Variants in F5 observed in about 807,000 individuals in gnomAD.
F5 encodes the protein coagulation factor V, also known as activated protein c cofactor.
F5 carries 138 observed loss-of-function variants against 216.4 expected under a neutral mutation model. The ratio of observed to expected loss-of-function variants is 0.64; its 90% confidence interval spans 0.56 to 0.73. The LOEUF (loss-of-function observed/expected upper bound fraction) is 0.73, where lower values mean the gene tolerates loss of function less well. Ranked by LOEUF, F5 falls within the 30% of genes least tolerant of loss-of-function variation. The pLI is 0.00. For synonymous variants in F5, 916 were observed against 930.7 expected, an observed-to-expected ratio of 0.98 and a Z score of 0.29; for missense variants, 2,403 against 2,674.0, an observed-to-expected ratio of 0.90 and a Z score of 2.24.
At chr1:169,559,077 G>C in intron 5 of F5, 76 bp downstream of exon 5, 1 of 1,528,054 alleles carries the variant, frequency 6.5e-7, no homozygotes, top group East Asian at 2.3e-5. Context: ...AACTTCTCTA[G>C]TGCTTTGAAG....
rs1659086368 is a variant in F5, at chr1:169,513,669, A to G, written c.*644T>C. Among the ~76,000 whole-genome samples the G allele has an allele frequency of 1.3e-5, 2 of 152,074 alleles. No individual in the cohort carries two copies. Among genetic ancestry groups the G allele is most frequent in the Non-Finnish European group, 2.9e-5 (2 of 67,994 alleles). On this transcript the variant is annotated 3_prime_UTR_variant, in exon 25 of 25. Coordinates refer to ENST00000367797, the MANE Select transcript of F5 (RefSeq NM_000130.5). Reference sequence around the variant, plus strand: ...TTACACATTCAGTTCTACCATGGTTATTTCAGTTCTGTTCCATATCTAATG... The same window carrying G: ...TTACACATTCAGTTCTACCATGGTTGTTTCAGTTCTGTTCCATATCTAATG...
Position 169,523,248 on chromosome 1 carries a change from G to A in F5, c.5997C>T (p.Ser1999=). ...YTTEFYVAYS[S]NQINWQIFKG... is the part of the protein sequence containing the mutation. ...TGAAGATCTGCCAGTTGATCTGGTT[G>A]GAACTGTAAGCTACATAGAACTCTG... Residue 1999 remains serine, a synonymous_variant, in exon 21 of 25, where the codon TCC becomes TCT. Transcript: ENST00000367797. 6.2e-7 allele frequency: 1 copy of A among 1,614,072 alleles called. No individual in the cohort carries two copies. Among genetic ancestry groups the A allele is most frequent in the Non-Finnish European group, 8.5e-7 (1 of 1,179,968 alleles).
chr1:169,573,983 CAACAATAAAAAATA>C (rs1660786228), intron 2 of F5, among the ~76,000 whole-genome samples: 1 of 151,904 alleles, frequency 6.6e-6, no homozygotes, highest in Non-Finnish European at 1.5e-5. Context: ...ATTCAAAAAA[CAACAATAAAAAATA>C]AACAATAAAA....
Position 169,542,822 on chromosome 1 carries a change from T to C in F5, c.2268A>G (p.Leu756=), listed in dbSNP as rs1217824535. Residue 756 remains leucine, a synonymous_variant, in exon 13 of 25, where the codon CTA becomes CTG. Transcript: ENST00000367797. The stretch of plus-strand genomic sequence containing the variant: ...CGAATTCAGTGCCATTCTCCAGAGC[T>C]AGGGCAGTAAGATTGAACTCTTCTT... ...QEEEEFNLTA[L]ALENGTEFVS... 6.2e-7 allele frequency: 1 copy of C among 1,614,050 alleles called. No individual in the cohort carries two copies. Among genetic ancestry groups the C allele is most frequent in the African/African-American group, 1.3e-5 (1 of 74,920 alleles).
chr1:169,549,453 A>G (rs542506054), intron 10 of F5, among the ~76,000 whole-genome samples: 42 of 152,182 alleles, frequency 2.8e-4, no homozygotes, highest in Non-Finnish European at 5.4e-4. Flanking sequence ...CCCCAAACAG[A>G]CCTGTAACAT....
intron 7 of F5, among the ~76,000 whole-genome samples, chr1:169,554,265 TA>T (rs1466663486): frequency 8.5e-6 from 1 of 117,966 alleles, no homozygotes; most frequent in East Asian, 2.0e-4. Flanking sequence ...TAAATATTCT[TA>T]TCCCTTTCAC....
intron 14 of F5, among the ~76,000 whole-genome samples, chr1:169,535,564 A>T (rs1659685741): frequency 6.6e-6 from 1 of 152,148 alleles, no homozygotes; most frequent in African/African-American, 2.4e-5. Context: ...AATGTCCATT[A>T]TACCAATCTG....
intron 22 of F5, among the ~76,000 whole-genome samples, chr1:169,520,129 C>T (rs925996330): frequency 2.6e-5 from 4 of 152,162 alleles, no homozygotes; most frequent in Non-Finnish European, 2.9e-5. Flanking sequence ...ATATATATGG[C>T]AGTGATGTTG....
rs187269910 is a variant in F5 at position 169,573,474 on chromosome 1, T to C, written c.251-1131A>G. Among the ~76,000 whole-genome samples, 272 of 152,194 alleles carry C rather than the reference T, an allele frequency of 1.8e-3. 1 individual carries two copies. The highest frequency in any genetic ancestry group is 5.9e-3 in the African/African-American group (243 of 41,534). On this transcript the variant is annotated intron_variant, in intron 2 of 24. Coordinates refer to ENST00000367797, the MANE Select transcript of F5 (RefSeq NM_000130.5). ...TGTAGCAGAACGTGATGAGTAGTGGTTGGAGTCTGGACATTTTTGTAGGTA... is the reference window on the plus strand; with the variant it reads ...TGTAGCAGAACGTGATGAGTAGTGGCTGGAGTCTGGACATTTTTGTAGGTA...
chr1:169,550,299 C>CCG lies in F5; in HGVS notation c.1397-286_1397-285dup, dbSNP rs772881691. Among the ~76,000 whole-genome samples, 200 of 121,614 alleles carry CCG rather than the reference C, an allele frequency of 1.6e-3. 2 individuals are homozygous for CCG. The highest frequency in any genetic ancestry group is 5.7e-3 in the African/African-American group (189 of 33,444). The allele number at this position is 121,614 out of a possible 152,430, so 79.8% of individuals were successfully genotyped here. On this transcript the variant is annotated intron_variant, in intron 9 of 24. Coordinates refer to ENST00000367797, the MANE Select transcript of F5 (RefSeq NM_000130.5). ...TCCCCCCGCCCCCCACCCCCCCCCCCCGACAGGCCCCGGTGTGTGATGTTC... is the reference window on the plus strand; with the variant it reads ...TCCCCCCGCCCCCCACCCCCCCCCCCCGCGACAGGCCCCGGTGTGTGATGTTC...
chr1:169,542,011 T>C lies in F5; in HGVS notation c.3079A>G (p.Ile1027Val). The change falls in exon 13 of 25, where the codon ATT becomes GTT. Residue 1027 changes from isoleucine to valine, a missense_variant. Physicochemically the swap from Ile to Val is conservative, Grantham distance 29 (BLOSUM62 3). Transcript: ENST00000367797. ...KSRLKKSQFLIKTRKKKKEKH... is the reference protein window; with the variant it reads ...KSRLKKSQFLVKTRKKKKEKH... ...TCTTTTTTCTTTTTTCGTGTCTTAA[T>C]GAGAAACTGGCTTTTCTTCAGTCTA... 6.2e-7 allele frequency: 1 copy of C among 1,614,116 alleles called. No homozygotes were observed. Among genetic ancestry groups the C allele is most frequent in the Non-Finnish European group, 8.5e-7 (1 of 1,180,016 alleles).
chr1:169,542,326 T>A lies in F5; in HGVS notation c.2764A>T (p.Arg922Trp). Reference sequence around the variant, plus strand: ...TCACTAGGAGGGTCCTTCCAGGGCCTCATTCTGGAAGGAGAACCAGTGTCT... The same window carrying A: ...TCACTAGGAGGGTCCTTCCAGGGCCACATTCTGGAAGGAGAACCAGTGTCT... ...SQDTGSPSRM[R>W]PWKDPPSDLL... The change falls in exon 13 of 25, where the codon AGG (arginine) becomes TGG (tryptophan). Residue 922 changes from arginine (R) to tryptophan (W), a missense_variant. Around this residue, in one of 4 missense-constraint regions of F5, gnomAD observed 1,425 missense variants for 1,554.8 expected, o/e 0.92. Coordinates refer to ENST00000367797, the MANE Select transcript of F5 (RefSeq NM_000130.5). 3.1e-6 allele frequency: 5 copies of A among 1,599,644 alleles called. No individual in the cohort carries two copies. Among genetic ancestry groups the A allele is most frequent in the Non-Finnish European group, 4.3e-6 (5 of 1,168,546 alleles).
chr1:169,536,777 G>A, intron 13 of F5, 97 bp from the exon 14 acceptor site: 1 of 945,374 alleles, frequency 1.1e-6, no homozygotes, highest in Non-Finnish European at 1.6e-6. Context: ...CTAGCATAGA[G>A]AAGGTCTTTA....
At chr1:169,578,750 C>T (rs1233837647) in intron 2 of F5, among the ~76,000 whole-genome samples, 2 of 152,170 alleles carry the variant, frequency 1.3e-5, no homozygotes, top group Non-Finnish European at 2.9e-5. Context: ...CATCCTTCAA[C>T]TTCCTACTCA....
chr1:169,522,912 T>C (rs894494516), intron 21 of F5, among the ~76,000 whole-genome samples: 2 of 152,242 alleles, frequency 1.3e-5, no homozygotes, highest in Non-Finnish European at 2.9e-5. Context: ...TACTCTGCCG[T>C]ATACCATTGG....
rs1244263617 is a variant in F5 at position 169,542,716 on chromosome 1, C to T, written c.2374G>A (p.Ala792Thr). 3 of 1,613,950 alleles carry T rather than the reference C, an allele frequency of 1.9e-6. No individual in the cohort carries two copies. Among genetic ancestry groups the T allele is most frequent in the Non-Finnish European group, 2.5e-6 (3 of 1,180,000 alleles). The change falls in exon 13 of 25, where the codon GCA becomes ACA. Residue 792 changes from alanine (A) to threonine (T), a missense_variant. Transcript: ENST00000367797. ...TGAGAAGGGGCTTTCTGAGGTTCTG[C>T]AAGGTTATTGACAGTGAACTTACTA... ...NISKFTVNNL[A>T]EPQKAPSHQQ...
At chr1:169,585,614 A>G (rs1370031414) in intron 1 of F5, among the ~76,000 whole-genome samples, 3 of 152,186 alleles carry the variant, frequency 2.0e-5, no homozygotes, top group Non-Finnish European at 4.4e-5. Context: ...GACATGATGA[A>G]CAGAGAGAAA....
chr1:169,586,100 C>T, intron 1 of F5, 129 bp downstream of exon 1: 1 of 991,850 alleles, frequency 1.0e-6, no homozygotes. Context: ...AGTATACTCT[C>T]CTATTAGTTA....
At position 169,536,502 on chromosome 1, in the gene F5, TTACTTGGATAACA is replaced by T. The variant is rs1240137844; in HGVS notation, c.4962_4971+3del. 1.9e-6 allele frequency: 3 copies of T among 1,612,732 alleles called. No homozygotes were observed. Among genetic ancestry groups the T allele is most frequent in the African/African-American group, 1.3e-5 (1 of 74,880 alleles). ...AAGATCTTAGCAGTGCTCAAAAGAC[TTACTTGGATAACA>T]TCATCCACTTCAGCTCTGATAATAG... On this transcript the variant is annotated splice_donor_variant and splice_donor_region_variant and coding_sequence_variant and intron_variant, in exon 14 of 25. Transcript: ENST00000367797. LOFTEE classifies it high-confidence loss of function.
Sources: gnomAD v4.1 joint callset for allele counts (sites outside exome capture counted in the v4.1 genomes callset) on GRCh38, gnomAD v4.1.1 for gene constraint, gnomAD v4.1.1 regional missense constraint, MANE v1.5 for transcripts, NCBI Gene and HGNC (gene_info 2026-07-23, HGNC 2026-07-21) for gene names.